The following DDX6 variants were observed in gnomAD, a reference collection of about 807,000 sequenced individuals.
DDX6 encodes DEAD-box helicase 6.
In DDX6, 7 loss-of-function variants were observed where a neutral mutation model predicts 60.6. The ratio of observed to expected loss-of-function variants is 0.12; its 90% CI spans 0.07 to 0.22. The LOEUF is 0.22. Among genes scored for constraint, DDX6 ranks in the 10% least tolerant of loss-of-function variants. The pLI is 1.00. For missense variants in DDX6, 270 were observed against 589.9 expected (o/e 0.46, Z 5.62); for synonymous variants, 207 against 201.0 (o/e 1.03, Z -0.25).
intron 13 of DDX6, among the ~76,000 whole-genome samples, chr11:118,753,871 G>T (rs967159822): frequency 1.3e-4 from 20 of 152,180 alleles, no homozygotes; most frequent in African/African-American, 4.6e-4. Flanking sequence ...GAGGCGGGTA[G>T]ATCACTTGAG....
intron 5 of DDX6, among the ~76,000 whole-genome samples, chr11:118,766,482 C>T (rs1318087892): frequency 6.6e-6 from 1 of 152,160 alleles, no homozygotes; most frequent in Non-Finnish European, 1.5e-5. Flanking sequence ...AATCATTACA[C>T]AGGACATTAT....
At chr11:118,787,042 T>C (rs548147568) in intron 1 of DDX6, 46 of 152,288 alleles carry the variant, frequency 3.0e-4, no homozygotes, top group African/African-American at 9.9e-4. Flanking sequence ...ATTTCAACTA[T>C]TAAACTTTAT....
chr11:118,778,280 G>A (rs758751865), intron 4 of DDX6, among the ~76,000 whole-genome samples: 5 of 152,188 alleles, frequency 3.3e-5, no homozygotes, highest in South Asian at 4.2e-4. Flanking sequence ...CACAAGATAC[G>A]AAGTTAAATC....
In DDX6 at chr11:118,748,144, A is replaced by G. The variant is rs371691727; in HGVS notation, c.*3961T>C. On this transcript the variant is annotated 3_prime_UTR_variant, in exon 14 of 14. Coordinates refer to ENST00000534980, the MANE Select transcript of DDX6 (RefSeq NM_004397.6). The stretch of plus-strand genomic sequence containing the variant: ...CCCCTTCCCACACAACCAATGTAAA[A>G]TACAGCAGCCTGTATCTTAATAACC... 7.2e-5 allele frequency: 11 copies of G among 152,158 alleles called. No individual in the cohort carries two copies. The highest frequency in any genetic ancestry group is 2.4e-4 in the African/African-American group (10 of 41,532). 9.4% of individuals were successfully genotyped at this position (152,158 alleles called of 1,614,324 possible). A position where few individuals can be genotyped will look rare whatever the true frequency, so the allele number is the denominator to read the frequency against.
chr11:118,770,337 A>C (rs1217039931), intron 4 of DDX6, among the ~76,000 whole-genome samples: 1 of 152,054 alleles, frequency 6.6e-6, no homozygotes, highest in Non-Finnish European at 1.5e-5. Context: ...CTGAATTTTT[A>C]ATTTCTAAAA....
At chr11:118,756,024 C>CG (rs1417778038) in intron 11 of DDX6, among the ~76,000 whole-genome samples, 1 of 129,872 alleles carries the variant, frequency 7.7e-6, no homozygotes, top group Admixed American at 7.5e-5. Context: ...CCTCCCCCCC[C>CG]CCCCCAAAAA....
intron 4 of DDX6, among the ~76,000 whole-genome samples, chr11:118,779,234 GAACA>G (rs1222785390): frequency 8.7e-5 from 13 of 150,024 alleles, no homozygotes; most frequent in East Asian, 2.0e-4. Context: ...ATAAAAAGAA[GAACA>G]AACACTAGGG....
At position 118,781,188 on chromosome 11, in the gene DDX6, G is replaced by C. The variant is rs782068966; in HGVS notation, c.201-4C>G. ...CTTTTTCCAGTCATCACCAGGTCTA[G>C]AGAGAATACAGTAAACTTGAAGTAT... On this transcript the variant is annotated splice_region_variant and splice_polypyrimidine_tract_variant and intron_variant, in intron 2 of 13. Transcript: ENST00000534980. The C allele has an allele frequency of 6.3e-7, 1 of 1,589,154 alleles. No individual in the cohort carries two copies. Among genetic ancestry groups the C allele is most frequent in the Admixed American group, 1.7e-5 (1 of 57,924 alleles).
intron 2 of DDX6, among the ~76,000 whole-genome samples, chr11:118,783,821 A>AAAAAAAAAAAAT (rs1457578676): frequency 1.3e-5 from 2 of 149,444 alleles, no homozygotes; most frequent in African/African-American, 4.9e-5. Context: ...AAAAAAAAAA[A>AAAAAAAAAAAAT]AAATTAAAAA....
intron 1 of DDX6, chr11:118,789,035 G>C (rs1565583111): frequency 6.7e-6 from 1 of 149,638 alleles, no homozygotes; most frequent in Non-Finnish European, 1.5e-5. Flanking sequence ...CGAAAACAAA[G>C]CCCTACTCTG....
At chr11:118,772,355 G>C (rs1194376385) in intron 4 of DDX6, among the ~76,000 whole-genome samples, 16 of 152,046 alleles carry the variant, frequency 1.1e-4, no homozygotes, top group African/African-American at 3.6e-4. Flanking sequence ...CTACAACACA[G>C]ATGAACTCGG....
At chr11:118,755,213 GTTATT>G (rs1199322025) in intron 12 of DDX6, among the ~76,000 whole-genome samples, 184 bp downstream of exon 12, 2 of 152,164 alleles carry the variant, frequency 1.3e-5, no homozygotes, top group Non-Finnish European at 2.9e-5. Context: ...AAATTAAGCA[GTTATT>G]TTAACTTTTC....
intron 7 of DDX6, among the ~76,000 whole-genome samples, chr11:118,762,096 A>G (rs1861190370): frequency 1.3e-5 from 2 of 152,024 alleles, no homozygotes; most frequent in South Asian, 4.1e-4. Flanking sequence ...CCAACATTGC[A>G]AAACCGCGCC....
At chr11:118,773,888 C>A (rs1300991685) in intron 4 of DDX6, among the ~76,000 whole-genome samples, 3 of 150,070 alleles carry the variant, frequency 2.0e-5, no homozygotes, top group Non-Finnish European at 4.5e-5. Flanking sequence ...AACAAACAAA[C>A]AAAAAAAACC....
intron 13 of DDX6, among the ~76,000 whole-genome samples, chr11:118,753,184 A>G (rs1555157874): frequency 6.6e-6 from 1 of 151,848 alleles, no homozygotes; most frequent in Admixed American, 6.6e-5. Flanking sequence ...GCCCGCCACC[A>G]TGCCTGGCTA....
chr11:118,781,289 T>C lies in DDX6; in HGVS notation c.201-105A>G, dbSNP rs1211658724. On this transcript the variant is annotated intron_variant, in intron 2 of 13. Transcript: ENST00000534980. ...TGTTAAAAAAGCACAGTAAGTTTAA[T>C]ATATTCCATTTAATATATCTAACAA... 31 of 691,168 alleles carry C rather than the reference T, an allele frequency of 4.5e-5. No individual in the cohort carries two copies. In the Admixed American group the frequency reaches 8.2e-4, roughly 18 times the overall value. 42.8% of individuals were successfully genotyped at this position (691,168 alleles called of 1,614,324 possible).
At chr11:118,777,021 A>G (rs782326664) in intron 4 of DDX6, among the ~76,000 whole-genome samples, 1 of 151,960 alleles carries the variant, frequency 6.6e-6, no homozygotes, top group Non-Finnish European at 1.5e-5. Context: ...ATCATTACCC[A>G]GCGTTCTCTG....
intron 8 of DDX6, 178 bp from the exon 9 acceptor site, chr11:118,759,080 G>A: frequency 1.3e-6 from 1 of 786,128 alleles, no homozygotes; most frequent in South Asian, 1.9e-5. Context: ...GCCACCCTGA[G>A]ACAAAATCTT....
intron 2 of DDX6, 92 bp downstream of exon 2, chr11:118,785,960 A>T: frequency 8.2e-7 from 1 of 1,225,646 alleles, no homozygotes; most frequent in Non-Finnish European, 1.1e-6. Flanking sequence ...CAAAATGGTT[A>T]AATTAAGGCA....
Sources: gnomAD v4.1 joint callset for allele counts (sites outside exome capture counted in the v4.1 genomes callset) on GRCh38, gnomAD v4.1.1 for gene constraint, MANE v1.5 for transcripts, NCBI Gene and HGNC (gene_info 2026-07-23, HGNC 2026-07-21) for gene names.